Variants in SH3PXD2B observed in about 807,000 individuals in gnomAD.
SH3PXD2B encodes SH3 and PX domains 2B.
A neutral mutation model predicts 73.1 loss-of-function variants in SH3PXD2B; 37 were observed. That is an observed-to-expected ratio of 0.51 (90% CI 0.39 to 0.67). SH3PXD2B has a LOEUF of 0.67. SH3PXD2B is among the 30% of genes least tolerant of loss of function. The pLI is 0.00. For missense variants in SH3PXD2B, 1,053 were observed against 1,197.8 expected (o/e 0.88, Z 1.78); for synonymous variants, 457 against 480.5 (o/e 0.95, Z 0.64).
chr5:172,419,941 T>C (rs1196405903), intron 2 of SH3PXD2B, among the ~76,000 whole-genome samples: 1 of 152,186 alleles, frequency 6.6e-6, no homozygotes, highest in Non-Finnish European at 1.5e-5. Flanking sequence ...TAACACTCAC[T>C]CTTTGAAGAC....
rs1757041516 is a variant in SH3PXD2B, at chr5:172,348,350, G to C, written c.1013-1018C>G. Among the ~76,000 whole-genome samples, 3 of 151,958 alleles carry C rather than the reference G, an allele frequency of 2.0e-5. No individual in the cohort carries two copies. In the South Asian group the frequency reaches 6.2e-4, roughly 32 times the overall value. On this transcript the variant is annotated intron_variant, in intron 10 of 12. Coordinates refer to ENST00000311601, the MANE Select transcript of SH3PXD2B (RefSeq NM_001017995.3). The stretch of plus-strand genomic sequence containing the variant: ...CAACGCCTTTTTTTTTTTAAATGGA[G>C]TTTCGCTCTTGTCACCCAGGCTGGA...
At position 172,339,026 on chromosome 5, in the gene SH3PXD2B, G is replaced by C. The variant is rs200804079; in HGVS notation, c.2079C>G (p.Asp693Glu). ...GEGPQAVGGQDVAFSRSFLPG... is the reference protein window; with the variant it reads ...GEGPQAVGGQEVAFSRSFLPG... ...GGAGGAAGCTTCGGCTGAAGGCCAC[G>C]TCTTGGCCCCCTACTGCCTGGGGGC... Residue 693 changes from aspartate (D) to glutamate (E), a missense_variant, in exon 13 of 13, where the codon GAC (aspartate) becomes GAG (glutamate). This residue lies in a region of SH3PXD2B where 587 missense variants were observed against 590.7 expected (regional missense o/e 0.99). Transcript: ENST00000311601. This position sits in a 1 kb window ranked among gnomAD's most constrained non-coding sequence, Gnocchi z 6.1. 31 of 1,614,172 alleles carry C rather than the reference G, an allele frequency of 1.9e-5. No homozygotes were observed. Among genetic ancestry groups the C allele is most frequent in the Non-Finnish European group, 2.5e-5 (30 of 1,179,972 alleles).
chr5:172,357,665 C>G (rs187259600), intron 8 of SH3PXD2B, among the ~76,000 whole-genome samples: 1 of 152,230 alleles, frequency 6.6e-6, no homozygotes, highest in African/African-American at 2.4e-5. Context: ...CATCACGACC[C>G]CTTAATCTGA....
chr5:172,415,896 A>G (rs963750937), intron 2 of SH3PXD2B, among the ~76,000 whole-genome samples: 18 of 152,244 alleles, frequency 1.2e-4, no homozygotes, highest in Non-Finnish European at 5.9e-5. Context: ...TTTCAAGCCC[A>G]GGGCTCTATC....
chr5:172,387,087 G>A (rs1395905560), intron 4 of SH3PXD2B, among the ~76,000 whole-genome samples: 1 of 152,190 alleles, frequency 6.6e-6, no homozygotes, highest in Non-Finnish European at 1.5e-5. Flanking sequence ...ATAGGTGGGT[G>A]GTGTATGACA....
intron 4 of SH3PXD2B, 83 bp downstream of exon 4, chr5:172,394,480 T>C (rs1474343962): frequency 7.1e-7 from 1 of 1,416,030 alleles, no homozygotes; most frequent in East Asian, 2.3e-5. Context: ...AAATTTTTAT[T>C]GTTGAGCATC....
intron 1 of SH3PXD2B, among the ~76,000 whole-genome samples, chr5:172,423,166 CGG>C (rs1561934581): frequency 6.6e-6 from 1 of 152,142 alleles, no homozygotes; most frequent in Non-Finnish European, 1.5e-5. Flanking sequence ...ATAACAAGCC[CGG>C]GCAAACTGAG....
Position 172,339,344 on chromosome 5 carries a change from C to T in SH3PXD2B, c.1761G>A (p.Leu587=), listed in dbSNP as rs767653780. The part of the protein sequence containing the change: ...RPEPKPDKSR[L]FQLKNDMGLE... ...GCCCCATGTCATTTTTCAGCTGGAA[C>T]AGTCTGCTTTTGTCAGGTTTGGGCT... is the stretch of plus-strand genomic sequence containing the variant. Residue 587 remains leucine, a synonymous_variant, in exon 13 of 13, where the codon CTG becomes CTA. Coordinates refer to ENST00000311601, the MANE Select transcript of SH3PXD2B (RefSeq NM_001017995.3). The surrounding 1 kb of genome is among the most constrained non-coding windows in gnomAD (Gnocchi z 6.1). 2.5e-6 allele frequency: 4 copies of T among 1,614,224 alleles called. No individual in the cohort carries two copies. Among genetic ancestry groups the T allele is most frequent in the Admixed American group, 3.3e-5 (2 of 60,028 alleles).
At chr5:172,373,849 C>T (rs572722460) in intron 5 of SH3PXD2B, 34 bp from the exon 6 acceptor site, 14 of 1,612,012 alleles carry the variant, frequency 8.7e-6, no homozygotes, top group Middle Eastern at 1.7e-4. Context: ...GGAAGAGTAA[C>T]GAGTCAGTAC....
chr5:172,448,626 A>G (rs1341045426), intron 1 of SH3PXD2B, among the ~76,000 whole-genome samples: 2 of 152,228 alleles, frequency 1.3e-5, no homozygotes, highest in Admixed American at 1.3e-4. Flanking sequence ...TTGGAAAGAC[A>G]TGTGCTAGCA....
rs551584139 is a variant in SH3PXD2B, at chr5:172,337,971, C to T, written c.*398G>A. On this transcript the variant is annotated 3_prime_UTR_variant, in exon 13 of 13. Coordinates refer to ENST00000311601, the MANE Select transcript of SH3PXD2B (RefSeq NM_001017995.3). ...AAGTCATCATGGACTGGGTTGGCTG[C>T]CCCTTACTGTGCCATGTCCAAGCCA... 4 of 1,107,168 alleles carry T rather than the reference C, an allele frequency of 3.6e-6. No homozygotes were observed. In the Admixed American group the frequency reaches 1.9e-4, roughly 52 times the overall value. 68.6% of individuals were successfully genotyped at this position (1,107,168 alleles called of 1,614,324 possible).
intron 10 of SH3PXD2B, among the ~76,000 whole-genome samples, chr5:172,348,663 C>CTATCTTATCT (rs1757066262): frequency 3.5e-5 from 1 of 28,860 alleles, no homozygotes; most frequent in African/African-American, 8.2e-5. Context: ...TCCTATCTAT[C>CTATCTTATCT]TATCTATCTA....
chr5:172,431,470 G>A (rs981680058), intron 1 of SH3PXD2B, among the ~76,000 whole-genome samples: 5 of 152,230 alleles, frequency 3.3e-5, no homozygotes, highest in Non-Finnish European at 5.9e-5. Context: ...CTACTATGAC[G>A]CACAACAGGG....
At chr5:172,380,935 G>C (rs530024966) in intron 5 of SH3PXD2B, among the ~76,000 whole-genome samples, 1 of 152,188 alleles carries the variant, frequency 6.6e-6, no homozygotes, top group Non-Finnish European at 1.5e-5. Flanking sequence ...TGGTGTACTC[G>C]GAAGTCTGTG....
chr5:172,354,294 C>T (rs941863685), intron 8 of SH3PXD2B, among the ~76,000 whole-genome samples: 1 of 152,208 alleles, frequency 6.6e-6, no homozygotes, highest in Non-Finnish European at 1.5e-5. Context: ...ACAGTACTTC[C>T]ATGCATGGCA....
At chr5:172,453,966 A>C (rs1320797374) in intron 1 of SH3PXD2B, among the ~76,000 whole-genome samples, 1 of 152,000 alleles carries the variant, frequency 6.6e-6, no homozygotes, top group Non-Finnish European at 1.5e-5. Context: ...AGACTTTTCC[A>C]CAGATGAGCA....
intron 4 of SH3PXD2B, among the ~76,000 whole-genome samples, chr5:172,392,244 A>G (rs1227275198): frequency 6.6e-6 from 1 of 152,214 alleles, no homozygotes. Context: ...CTTTACAGGA[A>G]CAGGAGATTA....
chr5:172,430,864 CTTTCT>C (rs1230468861), intron 1 of SH3PXD2B, among the ~76,000 whole-genome samples: 67 of 120,316 alleles, frequency 5.6e-4, no homozygotes, highest in East Asian at 1.9e-3. Context: ...CCTGTTCTTT[CTTTCT>C]TTTTTTTTTT....
intron 1 of SH3PXD2B, among the ~76,000 whole-genome samples, chr5:172,447,035 G>A (rs1402157964): frequency 6.6e-6 from 1 of 152,182 alleles, no homozygotes; most frequent in African/African-American, 2.4e-5. Flanking sequence ...CTTTGGGACA[G>A]GATGGGGCAG....
Sources: allele counts gnomAD v4.1 joint callset (sites outside exome capture counted in the v4.1 genomes callset), GRCh38; gene constraint gnomAD v4.1.1; regional missense constraint gnomAD v4.1.1; non-coding constraint Gnocchi (gnomAD v3.1); transcripts MANE v1.5; gene names NCBI Gene and HGNC (gene_info 2026-07-23, HGNC 2026-07-21).